NPC1: variants seen among roughly 807,000 people sequenced by gnomAD.
NPC1 encodes the protein Niemann-Pick C1 protein.
NPC1 carries 85 observed loss-of-function variants against 140.4 expected under a neutral mutation model. That is an observed-to-expected ratio of 0.61 (90% CI 0.51 to 0.72). The LOEUF (loss-of-function observed/expected upper bound fraction) is 0.72, where lower values mean the gene tolerates loss of function less well. Among genes scored for constraint, NPC1 ranks in the 30% least tolerant of loss-of-function variants. NPC1 has a pLI of 0.00. For missense variants in NPC1, 1,504 were observed against 1,623.8 expected (o/e 0.93, Z 1.27); for synonymous variants, 656 against 624.8 (o/e 1.05, Z -0.74).
downstream of NPC1, chr18:23,526,719 C>T (rs1213297980): frequency 6.2e-7 from 1 of 1,613,852 alleles, no homozygotes; most frequent in South Asian, 1.1e-5. Context: ...ACTTTCTCCT[C>T]CAGAGAAAGG....
intron 4 of NPC1, among the ~76,000 whole-genome samples, chr18:23,565,955 T>A (rs2059117775): frequency 6.6e-6 from 1 of 152,198 alleles, no homozygotes; most frequent in Non-Finnish European, 1.5e-5. Flanking sequence ...TTCTGAGTAA[T>A]TCCCTCGTAT....
intron 3 of NPC1, among the ~76,000 whole-genome samples, chr18:23,510,891 T>G (rs2057837793): frequency 6.6e-6 from 1 of 152,222 alleles, no homozygotes; most frequent in Non-Finnish European, 1.5e-5. Flanking sequence ...TGTAAATTAG[T>G]TCAACCTTTG....
chr18:23,521,612 C>T (rs2058142345), downstream of NPC1, among the ~76,000 whole-genome samples: 1 of 151,850 alleles, frequency 6.6e-6, no homozygotes, highest in Non-Finnish European at 1.5e-5. Flanking sequence ...GGAAAGAAGT[C>T]ATTTATTTGC....
intron 4 of NPC1, among the ~76,000 whole-genome samples, chr18:23,562,815 C>T (rs976644188): frequency 3.3e-5 from 5 of 151,566 alleles, no homozygotes; most frequent in African/African-American, 1.2e-4. Flanking sequence ...GGCAAAACCC[C>T]GTCTCTACAA....
downstream of NPC1, among the ~76,000 whole-genome samples, chr18:23,526,392 A>T (rs2058298433): frequency 6.6e-6 from 1 of 152,186 alleles, no homozygotes; most frequent in Admixed American, 6.5e-5. Context: ...TGCAGAGGTT[A>T]CTTGGAAAAG....
Position 23,535,454 on chromosome 18 carries a change from T to A in NPC1, c.3477+15A>T. ...ACAGGAGCTAGGGACAAACTGAGAC[T>A]GTATGAGGACTCACCATCACCAGGT... On this transcript the variant is annotated intron_variant, in intron 22 of 24. Coordinates refer to ENST00000269228, the MANE Select transcript of NPC1 (RefSeq NM_000271.5). 6.4e-7 allele frequency: 1 copy of A among 1,572,580 alleles called. No homozygotes were observed. Among genetic ancestry groups the A allele is most frequent in the Non-Finnish European group, 8.7e-7 (1 of 1,145,720 alleles).
chr18:23,584,617 C>A (rs1334886412), intron 1 of NPC1, among the ~76,000 whole-genome samples: 2 of 152,120 alleles, frequency 1.3e-5, no homozygotes, highest in East Asian at 1.9e-4. Context: ...CACCTGTAAT[C>A]CCCAAAAGAG....
In NPC1 at chr18:23,539,939, C is replaced by T. The variant is rs756588471; in HGVS notation, c.2667G>A (p.Val889=). The part of the protein sequence containing the change: ...ISQYLHAGPP[V]YFVLEEGHDY... ...CGTGCCCTTCCTCCAGGACAAAGTA[C>T]ACAGGCGGACCCGCATGCAGGTACT... The change falls in exon 18 of 25, where the codon GTG becomes GTA. Residue 889 remains valine, a synonymous_variant. Transcript: ENST00000269228. The T allele has an allele frequency of 3.1e-6, 5 of 1,614,090 alleles. No homozygotes were observed. In the South Asian group the frequency reaches 4.4e-5, roughly 14 times the overall value.
chr18:23,527,306 G>A (rs1484435936), downstream of NPC1, among the ~76,000 whole-genome samples: 5 of 151,994 alleles, frequency 3.3e-5, no homozygotes, highest in African/African-American at 1.2e-4. Flanking sequence ...GGCTGCCGAG[G>A]GAGGATTCCT....
chr18:23,532,816 T>C (rs1009706722), intron 24 of NPC1: 1 of 940,774 alleles, frequency 1.1e-6, no homozygotes, highest in Non-Finnish European at 1.3e-6. Flanking sequence ...AGTGCTTCAA[T>C]TTAGTGACAA....
At chr18:23,524,287 C>T (rs1246557029) in intron 1 of NPC1, 28 of 1,490,626 alleles carry the variant, frequency 1.9e-5, no homozygotes, top group Middle Eastern at 1.7e-4. Flanking sequence ...AGAGCCACCC[C>T]GCAGGCAGCT....
At chr18:23,556,137 A>G (rs544151532) in intron 8 of NPC1, 106 bp downstream of exon 8, 1 of 1,000,480 alleles carries the variant, frequency 1.0e-6, no homozygotes, top group Admixed American at 1.7e-5. Flanking sequence ...TTCAAGATAT[A>G]CCATGACATT....
At chr18:23,533,136 G>A in intron 24 of NPC1, 2 of 644,294 alleles carry the variant, frequency 3.1e-6, no homozygotes, top group African/African-American at 1.8e-5. Flanking sequence ...CAGGCCTCCA[G>A]AAAAAACATC....
At chr18:23,535,385 T>G in intron 22 of NPC1, 84 bp downstream of exon 22, 2 of 981,486 alleles carry the variant, frequency 2.0e-6, no homozygotes, top group Non-Finnish European at 3.2e-6. Context: ...ACTCCATCTT[T>G]AGGGTTTACA....
chr18:23,577,370 T>C (rs1178415248), intron 1 of NPC1, among the ~76,000 whole-genome samples: 5 of 149,868 alleles, frequency 3.3e-5, no homozygotes, highest in African/African-American at 5.0e-5. Flanking sequence ...AGGGTGCTGA[T>C]TGGTGTATTT....
At chr18:23,550,499 T>TTTTTTTTTTTTTTTTTTTTG (rs1598966102) in intron 10 of NPC1, among the ~76,000 whole-genome samples, 1 of 136,880 alleles carries the variant, frequency 7.3e-6, no homozygotes, top group African/African-American at 2.9e-5. Context: ...TTTTTTTTTT[T>TTTTTTTTTTTTTTTTTTTTG]GAGATGGAGT....
chr18:23,560,185 G>C (rs1440320723), intron 6 of NPC1, 46 bp downstream of exon 6: 6 of 1,612,840 alleles, frequency 3.7e-6, no homozygotes, highest in Non-Finnish European at 5.1e-6. Context: ...AGTGCCAGTG[G>C]GCAATTTTGC....
In NPC1 at chr18:23,585,694, T is replaced by C. The variant is rs531394346; in HGVS notation, c.57+593A>G. On this transcript the variant is annotated intron_variant, in intron 1 of 24. Transcript: ENST00000269228. ...CGAGTTCCAGGCCCCATCCTGTCGCTGGCTAATAGTGACAAGGGGAAATTC... is the reference window on the plus strand; with the variant it reads ...CGAGTTCCAGGCCCCATCCTGTCGCCGGCTAATAGTGACAAGGGGAAATTC... Among the ~76,000 whole-genome samples, 10 of 152,302 alleles carry C rather than the reference T, an allele frequency of 6.6e-5. No homozygotes were observed. In the South Asian group the frequency reaches 2.1e-3, roughly 32 times the overall value.
chr18:23,519,374 C>T (rs1445388324), downstream of NPC1, among the ~76,000 whole-genome samples: 5 of 151,920 alleles, frequency 3.3e-5, no homozygotes, highest in East Asian at 3.9e-4. Context: ...AAAAATTAGC[C>T]GGGCGTGGTA....
Sources: gnomAD v4.1 joint callset for allele counts (sites outside exome capture counted in the v4.1 genomes callset) on GRCh38, gnomAD v4.1.1 for gene constraint, MANE v1.5 for transcripts, NCBI Gene and HGNC (gene_info 2026-07-23, HGNC 2026-07-21) for gene names.